Variants in PRLR observed in about 807,000 individuals in gnomAD.
PRLR encodes the protein prolactin receptor.
Under a neutral mutation model 40.2 loss-of-function variants are expected in PRLR, and 13 were observed. The observed-to-expected ratio is 0.32, with a 90% CI of 0.21 to 0.51. The LOEUF (loss-of-function observed/expected upper bound fraction) is 0.51, where lower values mean the gene tolerates loss of function less well. PRLR is among the 20% of genes least tolerant of loss of function. PRLR has a pLI of 0.97. For missense variants in PRLR, 656 were observed against 747.3 expected (o/e 0.88, Z 1.42); for synonymous variants, 269 against 278.7 (o/e 0.97, Z 0.35).
intron 1 of PRLR, chr5:35,135,266 G>C (rs1773818981): frequency 6.6e-6 from 1 of 152,224 alleles, no homozygotes. Context: ...GAGAGAACCA[G>C]GGCACAAGAC....
rs114356594 is a variant in PRLR at position 35,133,959 on chromosome 5, T to C, written c.-105-15837A>G. On this transcript the variant is annotated intron_variant, in intron 1 of 9. Transcript: ENST00000618457. ...ATGGAAAACCAAACATTGTATGCTCTCACTCATAAGTGGGAGCTAAACGAT... is the reference window on the plus strand; with the variant it reads ...ATGGAAAACCAAACATTGTATGCTCCCACTCATAAGTGGGAGCTAAACGAT... Among the ~76,000 whole-genome samples, 1,092 of 152,294 alleles carry C rather than the reference T, an allele frequency of 7.2e-3. 14 individuals carry two copies. The highest frequency in any genetic ancestry group is 0.026 in the African/African-American group (1,061 of 41,546).
At position 35,089,583 on chromosome 5, in the gene PRLR, A is replaced by T. The variant is rs1409057979; in HGVS notation, c.38T>A (p.Leu13Gln). The T allele has an allele frequency of 6.2e-7, 1 of 1,613,928 alleles. No homozygotes were observed. The highest frequency in any genetic ancestry group is 2.2e-5 in the East Asian group (1 of 44,878). The change falls in exon 3 of 10, where the codon CTG becomes CAG. Residue 13 changes from leucine to glutamine, a missense_variant. By Grantham distance (113) the Leu-to-Gln change is moderately radical. Coordinates refer to ENST00000618457, the MANE Select transcript of PRLR (RefSeq NM_000949.7). Reference sequence around the variant, plus strand: ...AAGGCAGGTGTTGAGAAAAAGTAGCAGAGTGAAAACGGTTGCAGATGCCAC... The same window carrying T: ...AAGGCAGGTGTTGAGAAAAAGTAGCTGAGTGAAAACGGTTGCAGATGCCAC... ...ENVASATVFT[L>Q]LLFLNTCLLN... is the part of the protein sequence containing the mutation.
At chr5:35,116,622 A>G (rs949382397) in intron 2 of PRLR, among the ~76,000 whole-genome samples, 2 of 152,144 alleles carry the variant, frequency 1.3e-5, no homozygotes, top group Admixed American at 6.5e-5. Context: ...CTTTCCTTCC[A>G]GTAAATAGCA....
chr5:35,199,469 A>G (rs1775822252), intron 1 of PRLR, among the ~76,000 whole-genome samples: 1 of 152,182 alleles, frequency 6.6e-6, no homozygotes, highest in Non-Finnish European at 1.5e-5. Context: ...TTATGACAGA[A>G]ATGTTTCCAA....
rs1391552708 is a variant in PRLR at position 35,058,558 on chromosome 5, G to C, written c.*6531C>G. ...TGAATGACATAGAATCTTTCTTCTA[G>C]ACAAAGATTAGGAAAAAATTAGTAC... On this transcript the variant is annotated 3_prime_UTR_variant, in exon 10 of 10. Transcript: ENST00000618457. The C allele has an allele frequency of 2.0e-5, 3 of 152,160 alleles. No individual in the cohort carries two copies. The highest frequency in any genetic ancestry group is 4.4e-5 in the Non-Finnish European group (3 of 68,022). The allele number at this position is 152,160 out of a possible 1,614,324, so 9.4% of individuals were successfully genotyped here.
At chr5:35,175,542 A>G (rs540691759) in intron 1 of PRLR, among the ~76,000 whole-genome samples, 2 of 151,098 alleles carry the variant, frequency 1.3e-5, no homozygotes. Flanking sequence ...GTAGATGTGG[A>G]TGCCTTGGGA....
At chr5:35,080,277 T>C (rs1438682590) in intron 5 of PRLR, among the ~76,000 whole-genome samples, 1 of 152,156 alleles carries the variant, frequency 6.6e-6, no homozygotes, top group African/African-American at 2.4e-5. Context: ...AGAAAATTTT[T>C]ACAATCTACC....
chr5:35,140,281 T>C (rs571779979), intron 1 of PRLR, among the ~76,000 whole-genome samples: 3 of 152,256 alleles, frequency 2.0e-5, no homozygotes, highest in Non-Finnish European at 4.4e-5. Context: ...CTGAACTCTA[T>C]TATTCCTGAA....
At chr5:35,122,674 T>G (rs1293929782) in intron 1 of PRLR, among the ~76,000 whole-genome samples, 1 of 152,184 alleles carries the variant, frequency 6.6e-6, no homozygotes, top group Non-Finnish European at 1.5e-5. Flanking sequence ...TTTCTGGCAA[T>G]TGATAGAGAT....
At chr5:35,145,613 T>C (rs1290223178) in intron 1 of PRLR, among the ~76,000 whole-genome samples, 3 of 152,206 alleles carry the variant, frequency 2.0e-5, no homozygotes, top group Non-Finnish European at 4.4e-5. Context: ...ATTGTTGCAT[T>C]ATTGCAACTT....
intron 1 of PRLR, among the ~76,000 whole-genome samples, chr5:35,199,443 T>G (rs911389994): frequency 6.6e-6 from 1 of 152,248 alleles, no homozygotes; most frequent in Non-Finnish European, 1.5e-5. Flanking sequence ...TTAATAATTC[T>G]CACTCTCTCC....
At chr5:35,149,395 T>G (rs956035706) in intron 1 of PRLR, among the ~76,000 whole-genome samples, 2 of 152,198 alleles carry the variant, frequency 1.3e-5, no homozygotes, top group Non-Finnish European at 2.9e-5. Context: ...TTAAAACCTT[T>G]GATAATAATA....
At chr5:35,113,437 C>G (rs1412144218) in intron 2 of PRLR, among the ~76,000 whole-genome samples, 2 of 144,872 alleles carry the variant, frequency 1.4e-5, no homozygotes, top group Non-Finnish European at 3.0e-5. Flanking sequence ...ATCCATCCAC[C>G]CACCCACCCA....
In PRLR at chr5:35,064,386, G is replaced by A. The variant is rs975024408; in HGVS notation, c.*703C>T. ...GAAAACATCCTAAAGGGATTCACAT[G>A]AAATTCATTTGCCCCTTGTGTAAGA... On this transcript the variant is annotated 3_prime_UTR_variant, in exon 10 of 10. Transcript: ENST00000618457. 3.9e-5 allele frequency: 6 copies of A among 152,180 alleles called. No individual in the cohort carries two copies. The highest frequency in any genetic ancestry group is 5.9e-5 in the Non-Finnish European group (4 of 68,022). 9.4% of individuals were successfully genotyped at this position (152,180 alleles called of 1,614,324 possible). A position where few individuals can be genotyped will look rare whatever the true frequency, so the allele number is the denominator to read the frequency against.
intron 2 of PRLR, among the ~76,000 whole-genome samples, chr5:35,097,629 G>T (rs1771612295): frequency 6.6e-6 from 1 of 151,788 alleles, no homozygotes; most frequent in African/African-American, 2.4e-5. Context: ...AGGACCTTGG[G>T]GTCGTAGATT....
chr5:35,220,670 G>T (rs1220402191), intron 1 of PRLR, among the ~76,000 whole-genome samples: 1 of 152,144 alleles, frequency 6.6e-6, no homozygotes, highest in African/African-American at 2.4e-5. Flanking sequence ...GAACAAAGCA[G>T]AACCTCCATA....
chr5:35,208,172 C>T (rs868173392), intron 1 of PRLR, among the ~76,000 whole-genome samples: 24 of 19,452 alleles, frequency 1.2e-3, no homozygotes, highest in African/African-American at 2.3e-3. Context: ...CACACCCACG[C>T]GCGCGCACAC....
chr5:35,067,717 G>T (rs1769468716), intron 9 of PRLR, among the ~76,000 whole-genome samples: 1 of 152,144 alleles, frequency 6.6e-6, no homozygotes, highest in Non-Finnish European at 1.5e-5. Flanking sequence ...CAGCCCAAAT[G>T]GGTCCTGGCA....
At chr5:35,084,232 C>T (rs183469360) in intron 5 of PRLR, among the ~76,000 whole-genome samples, 337 of 152,280 alleles carry the variant, frequency 2.2e-3, no homozygotes, top group African/African-American at 7.7e-3. Context: ...GTGCTGAGTG[C>T]AAGAGGATGA....
Sources: gnomAD v4.1 joint callset for allele counts (sites outside exome capture counted in the v4.1 genomes callset) on GRCh38, gnomAD v4.1.1 for gene constraint, MANE v1.5 for transcripts, NCBI Gene and HGNC (gene_info 2026-07-23, HGNC 2026-07-21) for gene names.